GPR15LG: variants seen among roughly 807,000 people sequenced by gnomAD.
The protein encoded by GPR15LG is G protein-coupled receptor 15 ligand, also known as protein GPR15LG.
At chr10:84,176,352 C>T in the GPR15LG span, 7 of 728,934 alleles carry the variant, frequency 9.6e-6, no homozygotes, top group Non-Finnish European at 1.7e-5. Flanking sequence ...TCCCTAGGAC[C>T]TCTCGTAGCC....
At chr10:84,174,492 TTC>T in the GPR15LG span, among the ~76,000 whole-genome samples, 133 of 137,304 alleles carry the variant, frequency 9.7e-4, 1 homozygote, top group African/African-American at 2.6e-3. Flanking sequence ...TTTTTCTTTT[TTC>T]TTTTTTTTTT....
chr10:84,176,413 G>T, the GPR15LG span: 3 of 1,147,170 alleles, frequency 2.6e-6, no homozygotes, highest in South Asian at 2.5e-5. Context: ...CTGTGCCTTG[G>T]AAGGGGAAGC....
At chr10:84,180,154 C>T in the GPR15LG span, among the ~76,000 whole-genome samples, 1 of 152,206 alleles carries the variant, frequency 6.6e-6, no homozygotes, top group African/African-American at 2.4e-5. Context: ...CCATTTAACC[C>T]TTAGTGGACA....
chr10:84,177,595 A>C, the GPR15LG span, among the ~76,000 whole-genome samples: 1 of 152,214 alleles, frequency 6.6e-6, no homozygotes, highest in African/African-American at 2.4e-5. Context: ...AGAGGGAGGA[A>C]GCAAGACAGC....
the GPR15LG span, chr10:84,173,928 C>A: frequency 2.5e-6 from 4 of 1,606,568 alleles, no homozygotes; most frequent in Admixed American, 1.7e-5. Context: ...GAAGGTAGGG[C>A]AGCCCCCAGG....
chr10:84,179,255 G>C, the GPR15LG span, among the ~76,000 whole-genome samples: 1 of 152,178 alleles, frequency 6.6e-6, no homozygotes. Flanking sequence ...ATGAGCCGTC[G>C]ATGGGTTCAT....
the GPR15LG span, among the ~76,000 whole-genome samples, chr10:84,184,464 T>G: frequency 6.6e-6 from 1 of 152,276 alleles, no homozygotes; most frequent in Non-Finnish European, 1.5e-5. Flanking sequence ...TTCCCTCTGA[T>G]GGGACTGAAA....
At chr10:84,175,804 C>A in the GPR15LG span, among the ~76,000 whole-genome samples, 6 of 152,276 alleles carry the variant, frequency 3.9e-5, no homozygotes, top group Middle Eastern at 6.8e-3. Flanking sequence ...CCACACCTGG[C>A]CTACTTTGCA....
At chr10:84,176,078 G>A in the GPR15LG span, among the ~76,000 whole-genome samples, 12 of 151,024 alleles carry the variant, frequency 7.9e-5, no homozygotes, top group Non-Finnish European at 1.3e-4. Flanking sequence ...AGTAGAGATG[G>A]GGTTTCTCCA....
chr10:84,175,514 TC>T, the GPR15LG span, among the ~76,000 whole-genome samples: 1 of 152,264 alleles, frequency 6.6e-6, no homozygotes, highest in Non-Finnish European at 1.5e-5. Context: ...TGTGTGCTTT[TC>T]CTTTTTTGAA....
the GPR15LG span, among the ~76,000 whole-genome samples, chr10:84,183,049 C>G: frequency 2.6e-5 from 4 of 151,668 alleles, no homozygotes; most frequent in Non-Finnish European, 4.4e-5. Context: ...GAAAAACACA[C>G]CAATATTATC....
At chr10:84,173,876 C>A in the GPR15LG span, 1 of 1,613,908 alleles carries the variant, frequency 6.2e-7, no homozygotes, top group Non-Finnish European at 8.5e-7. Flanking sequence ...CCTTTCCAGC[C>A]TGCTCTGTAT....
chr10:84,185,098 G>A, the GPR15LG span: 2 of 1,160,854 alleles, frequency 1.7e-6, no homozygotes, highest in Non-Finnish European at 2.1e-6. Flanking sequence ...AGAGTGCAGG[G>A]TGGCAAGCAC....
the GPR15LG span, among the ~76,000 whole-genome samples, chr10:84,178,080 C>G: frequency 6.6e-6 from 1 of 151,626 alleles, no homozygotes; most frequent in Non-Finnish European, 1.5e-5. Context: ...GACACATACA[C>G]GCTACACAAC....
the GPR15LG span, among the ~76,000 whole-genome samples, chr10:84,175,019 A>C: frequency 2.6e-5 from 4 of 152,206 alleles, no homozygotes; most frequent in African/African-American, 9.7e-5. Context: ...AGAATTTTTA[A>C]AAATTAATTG....
At chr10:84,181,903 T>C in the GPR15LG span, among the ~76,000 whole-genome samples, 3 of 152,226 alleles carry the variant, frequency 2.0e-5, no homozygotes, top group Non-Finnish European at 4.4e-5. Flanking sequence ...GGCCACCTTC[T>C]TTCTACGCAT....
chr10:84,179,931 G>C, the GPR15LG span, among the ~76,000 whole-genome samples: 2 of 151,818 alleles, frequency 1.3e-5, no homozygotes, highest in African/African-American at 2.4e-5. Context: ...CTTGGAGAGG[G>C]GGATTTGGCA....
At chr10:84,180,099 C>T in the GPR15LG span, among the ~76,000 whole-genome samples, 2 of 152,302 alleles carry the variant, frequency 1.3e-5, no homozygotes, top group East Asian at 3.9e-4. Flanking sequence ...AGTATGCTGC[C>T]TTCAAGCATC....
At chr10:84,184,052 G>C in the GPR15LG span, among the ~76,000 whole-genome samples, 4 of 151,672 alleles carry the variant, frequency 2.6e-5, no homozygotes, top group African/African-American at 9.7e-5. Flanking sequence ...AGGCATGGTG[G>C]CTCATGCCTG....
Sources: gnomAD v4.1 joint callset for allele counts (sites outside exome capture counted in the v4.1 genomes callset) on GRCh38, gnomAD v4.1.1 for gene constraint, MANE v1.5 for transcripts, NCBI Gene and HGNC (gene_info 2026-07-23, HGNC 2026-07-21) for gene names.